Variants in COL25A1 observed in about 807,000 individuals in gnomAD.
The protein encoded by COL25A1 is collagen type XXV alpha 1 chain.
In COL25A1, 103 loss-of-function variants were observed where a neutral mutation model predicts 128.4. That is an observed-to-expected ratio of 0.80 (90% confidence interval 0.68 to 0.94). The LOEUF is 0.94. Among genes scored for constraint, COL25A1 ranks in the 40% least tolerant of loss-of-function variants. The pLI, the probability that COL25A1 is intolerant of heterozygous loss-of-function variation, is 0.00. For synonymous variants in COL25A1, 279 were observed against 277.2 expected (o/e 1.01, Z -0.06); for missense variants, 745 against 840.0 (o/e 0.89, Z 1.40).
intron 19 of COL25A1, among the ~76,000 whole-genome samples, chr4:108,877,840 A>G (rs1321735277): frequency 6.6e-6 from 1 of 152,218 alleles, no homozygotes; most frequent in Non-Finnish European, 1.5e-5. Flanking sequence ...TTAGAATTCA[A>G]TAATAAAATC....
At chr4:108,966,926 A>AGAAAGAAAGAAAGAAAAGAGAG (rs56937338) in intron 8 of COL25A1, among the ~76,000 whole-genome samples, 1 of 150,668 alleles carries the variant, frequency 6.6e-6, no homozygotes, top group Non-Finnish European at 1.5e-5. Flanking sequence ...AAGAGAGAAA[A>AGAAAGAAAGAAAGAAAAGAGAG]AGAGAGAAAG....
At chr4:108,967,967 C>T (rs1751505195) in intron 8 of COL25A1, among the ~76,000 whole-genome samples, 1 of 152,086 alleles carries the variant, frequency 6.6e-6, no homozygotes, top group Admixed American at 6.6e-5. Flanking sequence ...TGCGTGGTGA[C>T]CGACAGCACA....
intron 3 of COL25A1, among the ~76,000 whole-genome samples, chr4:109,205,621 A>T (rs1776917341): frequency 6.6e-6 from 1 of 152,014 alleles, no homozygotes; most frequent in African/African-American, 2.4e-5. Context: ...CTTCCAGGCC[A>T]CCCCTGATCA....
intron 3 of COL25A1, among the ~76,000 whole-genome samples, chr4:109,250,443 G>A (rs1413902848): frequency 6.7e-6 from 1 of 148,218 alleles, no homozygotes; most frequent in Non-Finnish European, 1.5e-5. Flanking sequence ...CATGATTATG[G>A]AGGATGAGAA....
At chr4:108,869,977 G>A (rs1379265523) in intron 19 of COL25A1, among the ~76,000 whole-genome samples, 1 of 152,164 alleles carries the variant, frequency 6.6e-6, no homozygotes, top group Middle Eastern at 3.2e-3. Flanking sequence ...GTCAGGCTGG[G>A]TGCTGTGGCT....
chr4:109,286,803 G>T (rs183461457), intron 3 of COL25A1, among the ~76,000 whole-genome samples: 4 of 152,120 alleles, frequency 2.6e-5, no homozygotes, highest in African/African-American at 9.7e-5. Flanking sequence ...CACCTAATTC[G>T]ATCTCTGTTC....
intron 3 of COL25A1, among the ~76,000 whole-genome samples, chr4:109,115,382 G>A (rs1767442678): frequency 6.6e-6 from 1 of 152,078 alleles, no homozygotes; most frequent in Admixed American, 6.6e-5. Flanking sequence ...AAAATTTGGT[G>A]GGAGCAGGTA....
intron 35 of COL25A1, chr4:108,819,665 A>G (rs1005604219): frequency 2.1e-5 from 9 of 437,106 alleles, no homozygotes; most frequent in Middle Eastern, 1.1e-3. Flanking sequence ...GTATCAGGAT[A>G]ACTGATAAAT....
chr4:109,117,026 G>A (rs1436456814), intron 3 of COL25A1, among the ~76,000 whole-genome samples: 2 of 151,322 alleles, frequency 1.3e-5, no homozygotes, highest in African/African-American at 2.4e-5. Context: ...AGACAACTAC[G>A]GAAGTGTAAC....
intron 3 of COL25A1, among the ~76,000 whole-genome samples, chr4:109,295,683 T>A (rs1223135221): frequency 1.3e-5 from 2 of 152,060 alleles, no homozygotes; most frequent in Non-Finnish European, 1.5e-5. Flanking sequence ...GTTCTTCTTA[T>A]ACAATGGGAA....
intron 8 of COL25A1, among the ~76,000 whole-genome samples, chr4:108,968,967 AG>A (rs1258269253): frequency 6.6e-6 from 1 of 152,040 alleles, no homozygotes; most frequent in Non-Finnish European, 1.5e-5. Flanking sequence ...TTTTCACCTC[AG>A]CGTCTTTCCA....
rs1424824824 is a variant in COL25A1, at chr4:109,174,978, C to T, written c.368-124799G>A. On this transcript the variant is annotated intron_variant, in intron 3 of 37. Transcript: ENST00000399132. ...GGAACATGAACCCTATTGTGAACTG[C>T]GCTTGTGAGGGATCTAGGTTGTGCA... Among the ~76,000 whole-genome samples the T allele has an allele frequency of 5.3e-5, 8 of 152,192 alleles. 1 individual carries two copies. The highest frequency in any genetic ancestry group is 4.2e-4 in the South Asian group (2 of 4,808).
At chr4:109,050,834 T>C (rs1230975069) in intron 3 of COL25A1, among the ~76,000 whole-genome samples, 2 of 152,054 alleles carry the variant, frequency 1.3e-5, no homozygotes, top group African/African-American at 4.8e-5. Flanking sequence ...ATTCAATAAA[T>C]AGTTAGCCTT....
chr4:108,829,178 T>A (rs1035743071), intron 32 of COL25A1, among the ~76,000 whole-genome samples: 9 of 152,176 alleles, frequency 5.9e-5, no homozygotes, highest in Admixed American at 1.3e-4. Context: ...ATCTACAGCA[T>A]ATTTCTTAAT....
intron 6 of COL25A1, among the ~76,000 whole-genome samples, chr4:108,977,064 A>G (rs895545823): frequency 6.6e-6 from 1 of 152,226 alleles, no homozygotes; most frequent in Non-Finnish European, 1.5e-5. Flanking sequence ...GTTTTGACAC[A>G]AAGTATTGGA....
intron 8 of COL25A1, among the ~76,000 whole-genome samples, chr4:108,960,897 G>T (rs1394838248): frequency 6.6e-6 from 1 of 151,746 alleles, no homozygotes; most frequent in South Asian, 2.1e-4. Context: ...ACTTTGCAAA[G>T]AAATATTAAG....
rs1315134912 is a variant in COL25A1 at position 108,907,219 on chromosome 4, A to C, written c.781-6047T>G. Reference sequence around the variant, plus strand: ...GTCTGTGAAGGGCAGGGTGACAGGAATGAGAACTTTAATGGCTTCCAAGAA... The same window carrying C: ...GTCTGTGAAGGGCAGGGTGACAGGACTGAGAACTTTAATGGCTTCCAAGAA... On this transcript the variant is annotated intron_variant, in intron 13 of 37. Transcript: ENST00000399132. 5.9e-5 allele frequency among the ~76,000 whole-genome samples: 9 copies of C among 152,284 alleles called. No individual in the cohort carries two copies. In the South Asian group the frequency reaches 1.0e-3, roughly 18 times the overall value.
At chr4:109,282,155 CA>C (rs1169771679) in intron 3 of COL25A1, among the ~76,000 whole-genome samples, 1 of 151,718 alleles carries the variant, frequency 6.6e-6, no homozygotes, top group African/African-American at 2.4e-5. Context: ...TCAACGAAAT[CA>C]TTTTTTTAAT....
intron 3 of COL25A1, among the ~76,000 whole-genome samples, chr4:109,271,716 A>G (rs2126265493): frequency 6.6e-6 from 1 of 152,316 alleles, no homozygotes; most frequent in African/African-American, 2.4e-5. Context: ...CCTGAACACC[A>G]CAGTGATTTT....
Sources: allele counts gnomAD v4.1 joint callset (sites outside exome capture counted in the v4.1 genomes callset), GRCh38; gene constraint gnomAD v4.1.1; transcripts MANE v1.5; gene names NCBI Gene and HGNC (gene_info 2026-07-23, HGNC 2026-07-21).